The following MAGEC3 variants were observed in gnomAD, a reference collection of about 807,000 sequenced individuals.
The protein encoded by MAGEC3 is MAGE family member C3.
Under a neutral mutation model 35.3 loss-of-function variants are expected in MAGEC3, and 34 were observed. That is an observed-to-expected ratio of 0.96 (90% CI 0.73 to 1.28). The LOEUF (loss-of-function observed/expected upper bound fraction) is 1.28, where lower values mean the gene tolerates loss of function less well. Among genes scored for constraint, MAGEC3 ranks in the 50% most tolerant of loss-of-function variants. The pLI, the probability that MAGEC3 is intolerant of heterozygous loss-of-function variation, is 0.00. For missense variants in MAGEC3, 561 were observed against 483.6 expected (o/e 1.16, Z -1.50); for synonymous variants, 202 against 185.6 (o/e 1.09, Z -0.72).
intron 1 of MAGEC3, among the ~76,000 whole-genome samples, chrX:141,851,545 G>A (rs1256977248): frequency 9.1e-6 from 1 of 110,157 alleles, no homozygotes; most frequent in Non-Finnish European, 1.9e-5. Flanking sequence ...CAGTTCAGTG[G>A]TTTTGGGTAT....
chrX:141,847,072 TC>T (rs1434279397), intron 1 of MAGEC3, among the ~76,000 whole-genome samples: 4 of 111,093 alleles, frequency 3.6e-5, no homozygotes, highest in Admixed American at 2.9e-4. Flanking sequence ...CTGAATAAAA[TC>T]CCATTCACCT....
intron 4 of MAGEC3, among the ~76,000 whole-genome samples, chrX:141,882,606 T>C (rs1317941564): frequency 8.9e-6 from 1 of 112,242 alleles, no homozygotes; most frequent in Non-Finnish European, 1.9e-5. Context: ...ATTAAAGAAA[T>C]AGACCTGGCT....
chrX:141,891,693 ATATT>A (rs1177262178), intron 4 of MAGEC3, among the ~76,000 whole-genome samples: 5 of 103,863 alleles, frequency 4.8e-5, no homozygotes, highest in African/African-American at 1.0e-4. Flanking sequence ...ATAAATATAT[ATATT>A]TATATATGCA....
intron 1 of MAGEC3, among the ~76,000 whole-genome samples, chrX:141,851,683 A>G (rs180670938): frequency 9.0e-4 from 100 of 110,533 alleles, no homozygotes; most frequent in African/African-American, 3.0e-3. Flanking sequence ...TCACTAATCT[A>G]TTTTTTAATC....
chrX:141,866,109 G>T (rs1362659961), intron 2 of MAGEC3, among the ~76,000 whole-genome samples: 1 of 111,473 alleles, frequency 9.0e-6, no homozygotes, highest in African/African-American at 3.3e-5. Flanking sequence ...ACAGAATCCA[G>T]TCCGTTTCCA....
intron 1 of MAGEC3, 173 bp downstream of exon 1, chrX:141,838,611 G>A: frequency 1.4e-6 from 1 of 730,965 alleles, no homozygotes; most frequent in Non-Finnish European, 1.6e-6. Context: ...CTTGGTTGCA[G>A]TAGCCTGTGG....
At chrX:141,868,764 T>C (rs766130605) in intron 2 of MAGEC3, among the ~76,000 whole-genome samples, 2 of 111,393 alleles carry the variant, frequency 1.8e-5, no homozygotes, top group African/African-American at 3.3e-5. Context: ...TTAGAAACTC[T>C]GTACAGGGAC....
intron 1 of MAGEC3, among the ~76,000 whole-genome samples, chrX:141,849,461 A>C (rs1373312790): frequency 2.7e-5 from 3 of 111,253 alleles, no homozygotes; most frequent in Non-Finnish European, 5.7e-5. Flanking sequence ...AGCCAAACAG[A>C]GTAAACAGCC....
chrX:141,870,113 C>T (rs2124105441), intron 2 of MAGEC3, among the ~76,000 whole-genome samples: 1 of 111,579 alleles, frequency 9.0e-6, no homozygotes, highest in African/African-American at 3.3e-5. Flanking sequence ...AATTTTAGAT[C>T]ACCCTAAGTT....
At chrX:141,838,929 A>G (rs1211706190) in intron 1 of MAGEC3, 2 of 672,434 alleles carry the variant, frequency 3.0e-6, no homozygotes, top group Non-Finnish European at 3.5e-6. Context: ...CTAAAATGGT[A>G]CTTTGTTGTA....
intron 2 of MAGEC3, 82 bp from the exon 3 acceptor site, chrX:141,879,093 C>T: frequency 2.8e-6 from 3 of 1,084,491 alleles, no homozygotes; most frequent in South Asian, 2.4e-5. Flanking sequence ...TTCCAGGAGT[C>T]CAGGCACAGC....
In MAGEC3 at chrX:141,867,464, C is replaced by G. The variant is rs145233470; in HGVS notation, c.258+1859C>G. 8.5e-3 allele frequency among the ~76,000 whole-genome samples: 953 copies of G among 111,466 alleles called. 7 individuals are homozygous for G. Among genetic ancestry groups the G allele is most frequent in the African/African-American group, 0.03 (915 of 30,610 alleles). On this transcript the variant is annotated intron_variant, in intron 2 of 7. Transcript: ENST00000298296. ...ACAACAAAGAAACACAGAGGCAGTC[C>G]AAGTCTCTGATAAACTCTCCCGCCC...
intron 1 of MAGEC3, among the ~76,000 whole-genome samples, chrX:141,865,148 AT>A (rs1239581177): frequency 9.1e-6 from 1 of 109,428 alleles, no homozygotes; most frequent in East Asian, 2.9e-4. Context: ...TAATTTATAA[AT>A]TTTTTTTCAA....
At chrX:141,859,020 G>A (rs1476372905) in intron 1 of MAGEC3, among the ~76,000 whole-genome samples, 1 of 108,546 alleles carries the variant, frequency 9.2e-6, no homozygotes, top group African/African-American at 3.4e-5. Context: ...CCATAGTATG[G>A]TATATTACAA....
At chrX:141,891,721 ATATT>A (rs1325181483) in intron 4 of MAGEC3, among the ~76,000 whole-genome samples, 1 of 104,361 alleles carries the variant, frequency 9.6e-6, no homozygotes, top group East Asian at 2.9e-4. Context: ...ATAAATATAT[ATATT>A]TATATATGCA....
chrX:141,863,417 G>T (rs1048962920), intron 1 of MAGEC3, among the ~76,000 whole-genome samples: 1 of 111,207 alleles, frequency 9.0e-6, no homozygotes, highest in Non-Finnish European at 1.9e-5. Context: ...TTATATATTT[G>T]TCAATATCTA....
intron 3 of MAGEC3, 124 bp downstream of exon 3, chrX:141,879,555 A>T: frequency 1.2e-6 from 1 of 828,754 alleles, no homozygotes; most frequent in Non-Finnish European, 1.7e-6. Context: ...GAGGGGGCCC[A>T]GGAGATGGGC....
At chrX:141,854,157 A>G (rs888912810) in intron 1 of MAGEC3, among the ~76,000 whole-genome samples, 5 of 111,487 alleles carry the variant, frequency 4.5e-5, no homozygotes, top group African/African-American at 1.3e-4. Context: ...TTTATAGCCC[A>G]GGAAGGGAGA....
intron 1 of MAGEC3, among the ~76,000 whole-genome samples, chrX:141,856,359 CAG>C (rs773270007): frequency 1.5e-3 from 172 of 111,100 alleles, no homozygotes; most frequent in African/African-American, 4.7e-3. Context: ...AGTTTCCTAA[CAG>C]GGGAAAATTT....
Sources: allele counts gnomAD v4.1 joint callset (sites outside exome capture counted in the v4.1 genomes callset), GRCh38; gene constraint gnomAD v4.1.1; transcripts MANE v1.5; gene names NCBI Gene and HGNC (gene_info 2026-07-23, HGNC 2026-07-21).